KCNQ2: variants seen among roughly 807,000 people sequenced by gnomAD.
The protein encoded by KCNQ2 is potassium voltage-gated channel subfamily KQT member 2.
Under a neutral mutation model 84.8 loss-of-function variants are expected in KCNQ2, and 14 were observed. That is an observed-to-expected ratio of 0.17 (90% CI 0.11 to 0.26). The LOEUF is 0.26. Among genes scored for constraint, KCNQ2 ranks in the 10% least tolerant of loss-of-function variants. The pLI, the probability that KCNQ2 is intolerant of heterozygous loss-of-function variation, is 1.00. For missense variants in KCNQ2, 788 were observed against 1,254.0 expected (o/e 0.63, Z 5.61); for synonymous variants, 599 against 554.1 (o/e 1.08, Z -1.14).
intron 1 of KCNQ2, chr20:63,471,897 G>A (rs964925798): frequency 7.2e-5 from 30 of 416,122 alleles, no homozygotes; most frequent in Non-Finnish European, 4.2e-6. Context: ...AGGCTGAGGA[G>A]GGGGCTGGGG....
intron 12 of KCNQ2, among the ~76,000 whole-genome samples, chr20:63,415,774 C>T (rs1223978445): frequency 6.6e-6 from 1 of 152,208 alleles, no homozygotes; most frequent in Non-Finnish European, 1.5e-5. Context: ...GTGGCTCTTC[C>T]TCGGGCACCT....
intron 11 of KCNQ2, among the ~76,000 whole-genome samples, chr20:63,421,764 T>G (rs3827019): frequency 0.29 from 44,028 of 151,622 alleles, 6,754 homozygotes; most frequent in Middle Eastern, 0.42. Flanking sequence ...CAGGAGGCAG[T>G]GAGATGGGGT....
rs2079985811 is a variant in KCNQ2, at chr20:63,407,493, G to A, written c.1888-118C>T. ...GGTTCCAGGAAACAGGAGAGACCCA[G>A]GCTAGTCCCAGGAAACGGGGGACCC... On this transcript the variant is annotated intron_variant, in intron 16 of 16. Transcript: ENST00000359125. The surrounding 1 kb of genome is among the most constrained non-coding windows in gnomAD (Gnocchi z 7.2). 1 of 1,103,790 alleles carries A rather than the reference G, an allele frequency of 9.1e-7. No individual in the cohort carries two copies. Among genetic ancestry groups the A allele is most frequent in the African/African-American group, 1.6e-5 (1 of 63,226 alleles). The allele number at this position is 1,103,790 out of a possible 1,614,324, so 68.4% of individuals were successfully genotyped here.
At chr20:63,415,929 C>A (rs972925037) in intron 12 of KCNQ2, among the ~76,000 whole-genome samples, 8 of 152,144 alleles carry the variant, frequency 5.3e-5, no homozygotes, top group Non-Finnish European at 8.8e-5. Context: ...ACAACAAGGA[C>A]ATTGGGGGCC....
chr20:63,410,157 G>A (rs1019668815), intron 15 of KCNQ2: 4 of 196,484 alleles, frequency 2.0e-5, no homozygotes, highest in Non-Finnish European at 3.1e-5. Flanking sequence ...CCGAGCAGAC[G>A]CCAGTGGCGA....
chr20:63,442,650 T>G, intron 4 of KCNQ2, 119 bp from the exon 5 acceptor site: 1 of 732,164 alleles, frequency 1.4e-6, no homozygotes, highest in Non-Finnish European at 2.1e-6. Flanking sequence ...ACCAAAACCA[T>G]CACCACCACC....
At chr20:63,413,185 A>G (rs1778680504) in intron 15 of KCNQ2, 1 of 523,314 alleles carries the variant, frequency 1.9e-6, no homozygotes, top group Non-Finnish European at 3.6e-6. Flanking sequence ...ACACACACAC[A>G]TGCACACACA....
At position 63,407,263 on chromosome 20, in the gene KCNQ2, G is replaced by GCCGGCT; in HGVS notation, c.1994_1999dup (p.Glu665_Pro666dup). The GCCGGCT allele has an allele frequency of 6.3e-7, 1 of 1,597,200 alleles. No individual in the cohort carries two copies. Among genetic ancestry groups the GCCGGCT allele is most frequent in the East Asian group, 2.2e-5 (1 of 44,744 alleles). ...GTCTTCCGGGCTGTGGTACGGCGGC[G>GCCGGCT]CCGGCTCCGGCTCTTTGGCCCCAAA... On this transcript the variant is annotated inframe_insertion, in exon 17 of 17. Coordinates refer to ENST00000359125, the MANE Select transcript of KCNQ2 (RefSeq NM_172107.4). This position sits in a 1 kb window ranked among gnomAD's most constrained non-coding sequence, Gnocchi z 7.2.
At chr20:63,442,701 T>TCACCACCACCACCACCAC (rs1455961784) in intron 4 of KCNQ2, among the ~76,000 whole-genome samples, 170 bp from the exon 5 acceptor site, 1 of 48,070 alleles carries the variant, frequency 2.1e-5, no homozygotes, top group Non-Finnish European at 4.2e-5. Flanking sequence ...ATCACCACCA[T>TCACCACCACCACCACCAC]CACCATCACC....
Position 63,407,089 on chromosome 20 carries a change from C to A in KCNQ2, c.2174G>T (p.Arg725Leu), listed in dbSNP as rs775271635. The change falls in exon 17 of 17, where the codon CGC becomes CTC. Residue 725 changes from arginine to leucine, a missense_variant. Arg to Leu is a moderately radical substitution (Grantham distance 102). Coordinates refer to ENST00000359125, the MANE Select transcript of KCNQ2 (RefSeq NM_172107.4). The surrounding 1 kb of genome is among the most constrained non-coding windows in gnomAD (Gnocchi z 7.2). The part of the protein sequence containing the change: ...STSWQPQSHP[R>L]QGHGTSPVGD... The stretch of plus-strand genomic sequence containing the variant: ...CACGGGGGAGGTGCCGTGGCCCTGG[C>A]GCGGGTGGCTCTGTGGCTGCCAGGA... 7 of 1,533,396 alleles carry A rather than the reference C, an allele frequency of 4.6e-6. No homozygotes were observed. Among genetic ancestry groups the A allele is most frequent in the African/African-American group, 1.4e-5 (1 of 73,166 alleles). 95.0% of individuals were successfully genotyped at this position (1,533,396 alleles called of 1,614,324 possible).
rs1004141828 is a variant in KCNQ2 at position 63,401,964 on chromosome 20, A to C, written c.*4680T>G. The C allele has an allele frequency of 2.2e-5, 4 of 179,464 alleles. No individual in the cohort carries two copies. The highest frequency in any genetic ancestry group is 7.5e-5 in the African/African-American group (3 of 40,268). 11.1% of individuals were successfully genotyped at this position (179,464 alleles called of 1,614,324 possible). On this transcript the variant is annotated 3_prime_UTR_variant, in exon 17 of 17. Coordinates refer to ENST00000359125, the MANE Select transcript of KCNQ2 (RefSeq NM_172107.4). ...ACGTCTGCTGGGCACCCTCCACGGC[A>C]GGTCCAAGCCTCATGAGCCATCTCT...
At position 63,432,801 on chromosome 20, in the gene KCNQ2, C is replaced by CCCACCCTCAGGGAAGGCT. The variant is rs1568914589; in HGVS notation, c.1118+990_1118+1007dup. Among the ~76,000 whole-genome samples the CCCACCCTCAGGGAAGGCT allele has an allele frequency of 1.8e-4, 15 of 85,558 alleles. 1 individual carries two copies. Among genetic ancestry groups the CCCACCCTCAGGGAAGGCT allele is most frequent in the African/African-American group, 2.7e-4 (8 of 29,246 alleles). 56.1% of individuals were successfully genotyped at this position (85,558 alleles called of 152,430 possible). On this transcript the variant is annotated intron_variant, in intron 8 of 16. Transcript: ENST00000359125. ...GGAAGGCCCCACCCTCAGGGAAGGCCCCACCCTCAGGGAAGGCTCCACCCT... is the reference window on the plus strand; with the variant it reads ...GGAAGGCCCCACCCTCAGGGAAGGCCCCACCCTCAGGGAAGGCTCCACCCTCAGGGAAGGCTCCACCCT...
rs6011832 is a variant in KCNQ2 at position 63,441,092 on chromosome 20, C to T, written c.816+1314G>A. Among the ~76,000 whole-genome samples, 797 of 147,762 alleles carry T rather than the reference C, an allele frequency of 5.4e-3. 11 individuals are homozygous for T. The highest frequency in any genetic ancestry group is 0.02 in the African/African-American group (773 of 39,292). On this transcript the variant is annotated intron_variant, in intron 5 of 16. Coordinates refer to ENST00000359125, the MANE Select transcript of KCNQ2 (RefSeq NM_172107.4). ...ACGCCATTCTCCTGCCTCAGCCTCC[C>T]GAGTAGCTGGGACTACAGGCGCCCG...
Position 63,472,508 on chromosome 20 carries a change from G to A in KCNQ2, c.-45C>T, listed in dbSNP as rs1251841484. On this transcript the variant is annotated 5_prime_UTR_variant, in exon 1 of 17. Coordinates refer to ENST00000359125, the MANE Select transcript of KCNQ2 (RefSeq NM_172107.4). ...CCCGGGTCGGGCTCAGGCTCAGCGG[G>A]GGCGGAGCGCGGGGGGCGGCGCGGG... is the stretch of plus-strand genomic sequence containing the variant. 3.6e-6 allele frequency: 5 copies of A among 1,379,750 alleles called. No individual in the cohort carries two copies. Among genetic ancestry groups the A allele is most frequent in the Non-Finnish European group, 4.7e-6 (5 of 1,070,594 alleles). The allele number at this position is 1,379,750 out of a possible 1,614,324, so 85.5% of individuals were successfully genotyped here. A position where few individuals can be genotyped will look rare whatever the true frequency, so the allele number is the denominator to read the frequency against.
In KCNQ2 at chr20:63,401,244, A is replaced by C; in HGVS notation, c.*5400T>G. On this transcript the variant is annotated 3_prime_UTR_variant, in exon 17 of 17. Coordinates refer to ENST00000359125, the MANE Select transcript of KCNQ2 (RefSeq NM_172107.4). ...GGTCCCCTCCCGTCTCTCCTCCTCC[A>C]CCGTTGCCCACAACCTCCCCCGGCG... 1.1e-5 allele frequency: 2 copies of C among 186,362 alleles called. No homozygotes were observed. The highest frequency in any genetic ancestry group is 1.1e-5 in the Non-Finnish European group (1 of 91,312). The allele number at this position is 186,362 out of a possible 1,614,324, so 11.5% of individuals were successfully genotyped here. A position where few individuals can be genotyped will look rare whatever the true frequency, so the allele number is the denominator to read the frequency against.
At chr20:63,427,731 G>A (rs1327459919) in intron 10 of KCNQ2, among the ~76,000 whole-genome samples, 3 of 152,186 alleles carry the variant, frequency 2.0e-5, no homozygotes, top group Non-Finnish European at 2.9e-5. Flanking sequence ...CTCAGGGCCC[G>A]CCCGGAAAAT....
In KCNQ2 at chr20:63,406,906, G is replaced by C; in HGVS notation, c.2357C>G (p.Thr786Arg). The change falls in exon 17 of 17, where the codon ACG (threonine) becomes AGG (arginine). Residue 786 changes from threonine (T) to arginine (R), a missense_variant. Around this residue, in one of 8 missense-constraint regions of KCNQ2, gnomAD observed 378 missense variants for 434.5 expected, o/e 0.87. Transcript: ENST00000359125. ...PPEGNLRDSD[T>R]SISIPSVDHE... ...GTCCACGGACGGGATGGAGATGGACGTGTCGCTGTCCCGCAGGTTCCCCTC... is the reference window on the plus strand; with the variant it reads ...GTCCACGGACGGGATGGAGATGGACCTGTCGCTGTCCCGCAGGTTCCCCTC... 6.2e-7 allele frequency: 1 copy of C among 1,610,668 alleles called. No homozygotes were observed. Among genetic ancestry groups the C allele is most frequent in the Non-Finnish European group, 8.5e-7 (1 of 1,179,328 alleles).
chr20:63,424,032 G>T, intron 11 of KCNQ2, 145 bp downstream of exon 11: 1 of 834,592 alleles, frequency 1.2e-6, no homozygotes, highest in East Asian at 2.7e-5. Flanking sequence ...CGCCAGGCGG[G>T]GGTCTGGACC....
chr20:63,434,173 T>C, intron 7 of KCNQ2: 1 of 522,048 alleles, frequency 1.9e-6, no homozygotes, highest in Non-Finnish European at 3.4e-6. Context: ...CTGAGCGAGC[T>C]CGCAGGGAGG....
Sources: allele counts gnomAD v4.1 joint callset (sites outside exome capture counted in the v4.1 genomes callset), GRCh38; gene constraint gnomAD v4.1.1; regional missense constraint gnomAD v4.1.1; non-coding constraint Gnocchi (gnomAD v3.1); transcripts MANE v1.5; gene names NCBI Gene and HGNC (gene_info 2026-07-23, HGNC 2026-07-21).